NBPF9: variants seen among roughly 807,000 people sequenced by gnomAD.
The protein encoded by NBPF9 is NBPF member 9.
A neutral mutation model predicts 97.8 loss-of-function variants in NBPF9; 91 were observed. The observed-to-expected ratio is 0.93, with a 90% CI of 0.79 to 1.11. NBPF9 has a LOEUF of 1.11. NBPF9 is among the 50% of genes least tolerant of loss of function. The probability of loss-of-function intolerance (pLI) is 0.00; values close to 1 mark genes in which losing one functional copy is unlikely to be tolerated. For synonymous variants in NBPF9, 334 were observed against 359.5 expected, an observed-to-expected ratio of 0.93 and a Z score of 0.80; for missense variants, 992 against 939.5, an observed-to-expected ratio of 1.06 and a Z score of -0.73.
In NBPF9 at chr1:149,062,072, C is replaced by A. The variant is rs781911295; in HGVS notation, c.2251+21G>T. 1.6e-5 allele frequency: 16 copies of A among 984,194 alleles called. 2 individuals carry two copies. The African/African-American group carries it at 1.7e-4, about 10-fold the overall frequency. The allele number at this position is 984,194 out of a possible 1,614,324, so 61.0% of individuals were successfully genotyped here. ...TGGAAGACCAGGTGGAGGCTTATCA[C>A]CTTCATAGTAAGGTACTCACTGTCC... On this transcript the variant is annotated intron_variant, in intron 22 of 29. Coordinates refer to ENST00000584027, the Ensembl canonical transcript of NBPF9.
At position 149,092,381 on chromosome 1, in the gene NBPF9, G is replaced by C. The variant is rs1294398437; in HGVS notation, c.-336-1487C>G. ...GCACGTGGCCTCTGGAGTCAGAGTA[G>C]ACTGTCTCCCCGCTGACAGCCAGCA... On this transcript the variant is annotated intron_variant, in intron 4 of 29. Coordinates refer to ENST00000584027, the Ensembl canonical transcript of NBPF9. Among the ~76,000 whole-genome samples the C allele has an allele frequency of 3.8e-5, 5 of 131,366 alleles. No homozygotes were observed. The Admixed American group carries it at 4.0e-4, about 10-fold the overall frequency. 86.2% of individuals were successfully genotyped at this position (131,366 alleles called of 152,430 possible). A position where few individuals can be genotyped will look rare whatever the true frequency, so the allele number is the denominator to read the frequency against.
At chr1:149,054,283 G>A (rs1372100631) in exon 30 of NBPF9, 1 of 110,948 alleles carries the variant, frequency 9.0e-6, no homozygotes, top group Non-Finnish European at 1.9e-5. Flanking sequence ...AAAATTTCCA[G>A]CGTAGAGATA....
exon 22 of NBPF9, chr1:149,062,122 T>G: frequency 8.6e-7 from 1 of 1,159,086 alleles, no homozygotes; most frequent in South Asian, 1.2e-5. Flanking sequence ...GCCAAGGTAC[T>G]GTTCCTCCAA....
intron 21 of NBPF9, 77 bp downstream of exon 21, chr1:149,062,785 C>A (rs1302767560): frequency 2.6e-6 from 2 of 770,238 alleles, no homozygotes; most frequent in East Asian, 4.9e-5. Context: ...TGAAATTGAA[C>A]ACACTCTTGT....
chr1:149,055,192 G>A (rs1225716222), exon 30 of NBPF9: 1 of 205,786 alleles, frequency 4.9e-6, no homozygotes, highest in Non-Finnish European at 9.8e-6. Context: ...CTCAGCCAAG[G>A]ATCCCTCCTG....
exon 16 of NBPF9, chr1:149,071,095 A>G: frequency 6.2e-7 from 1 of 1,609,276 alleles, no homozygotes; most frequent in Non-Finnish European, 8.5e-7. Flanking sequence ...ACATTCCTCC[A>G]GTGAGTCCTC....
chr1:149,069,501 A>G (rs1464617960), intron 17 of NBPF9, 93 bp downstream of exon 17: 2 of 647,326 alleles, frequency 3.1e-6, no homozygotes, highest in Non-Finnish European at 5.6e-6. Context: ...TGAATGGAAG[A>G]AATAGTTCTA....
chr1:149,058,756 G>C (rs1376388886), intron 26 of NBPF9, 169 bp downstream of exon 26: 2 of 600,130 alleles, frequency 3.3e-6, no homozygotes, highest in African/African-American at 4.2e-5. Context: ...CCCATTTCAT[G>C]TCTAGGCTTC....
At chr1:149,075,016 T>G (rs1487038153) in intron 12 of NBPF9, among the ~76,000 whole-genome samples, 3 of 151,248 alleles carry the variant, frequency 2.0e-5, no homozygotes, top group African/African-American at 7.3e-5. Flanking sequence ...TTCTCCATGT[T>G]GCCCAGGCTG....
At chr1:149,072,328 G>C (rs2079479634) in intron 14 of NBPF9, among the ~76,000 whole-genome samples, 1 of 152,166 alleles carries the variant, frequency 6.6e-6, no homozygotes, top group Non-Finnish European at 1.5e-5. Context: ...ACAAACTCAG[G>C]AAGGACAAGT....
intron 18 of NBPF9, chr1:149,064,739 A>T: frequency 3.2e-6 from 2 of 619,058 alleles, no homozygotes; most frequent in Non-Finnish European, 5.7e-6. Flanking sequence ...TTATGTACAC[A>T]AATGCGCGAT....
chr1:149,082,354 C>G lies in NBPF9; in HGVS notation c.-118G>C. 1.3e-6 allele frequency: 2 copies of G among 1,522,596 alleles called. No homozygotes were observed. The highest frequency in any genetic ancestry group is 1.8e-6 in the Non-Finnish European group (2 of 1,139,538). The allele number at this position is 1,522,596 out of a possible 1,614,324, so 94.3% of individuals were successfully genotyped here. A position where few individuals can be genotyped will look rare whatever the true frequency, so the allele number is the denominator to read the frequency against. Reference sequence around the variant, plus strand: ...AAACAAGGTTTGAGGTGCCTCAACTCAGAGCTGAAAGCACTGCCAGTAGCT... The same window carrying G: ...AAACAAGGTTTGAGGTGCCTCAACTGAGAGCTGAAAGCACTGCCAGTAGCT... On this transcript the variant is annotated 5_prime_UTR_variant, in exon 6 of 30. It removes the in-frame stop codon of an upstream open reading frame in the 5' UTR. Transcript: ENST00000584027.
In NBPF9 at chr1:149,073,753, A is replaced by G; in HGVS notation, c.1091+15T>C. 1.3e-6 allele frequency: 2 copies of G among 1,579,232 alleles called. No homozygotes were observed. Among genetic ancestry groups the G allele is most frequent in the Admixed American group, 1.7e-5 (1 of 59,670 alleles). ...CACACCTGCCCCCCTGCCTGCCCCCATGGGGTCCCCTCACCTGAGCTCCTC... is the reference window on the plus strand; with the variant it reads ...CACACCTGCCCCCCTGCCTGCCCCCGTGGGGTCCCCTCACCTGAGCTCCTC... On this transcript the variant is annotated intron_variant, in intron 13 of 29. Coordinates refer to ENST00000584027, the Ensembl canonical transcript of NBPF9.
intron 5 of NBPF9, among the ~76,000 whole-genome samples, chr1:149,085,890 A>G (rs1442271661): frequency 3.3e-5 from 5 of 151,764 alleles, no homozygotes; most frequent in African/African-American, 1.2e-4. Context: ...CTATGCCCCA[A>G]AGTTTCTTGT....
chr1:149,072,836 C>T, exon 14 of NBPF9: 7 of 1,602,114 alleles, frequency 4.4e-6, no homozygotes, highest in South Asian at 1.1e-5. Context: ...CCTGGAGATG[C>T]TCATTCAATG....
chr1:149,090,645 C>G, intron 5 of NBPF9, 108 bp downstream of exon 5: 1 of 600,238 alleles, frequency 1.7e-6, no homozygotes, highest in East Asian at 2.9e-5. Context: ...GAAGAAAACT[C>G]AGCTAAGCAT....
intron 12 of NBPF9, among the ~76,000 whole-genome samples, chr1:149,075,318 G>C (rs1455782589): frequency 6.6e-6 from 1 of 152,172 alleles, no homozygotes; most frequent in African/African-American, 2.4e-5. Flanking sequence ...CAACAGACTA[G>C]ATGTTATTTG....
intron 21 of NBPF9, 97 bp downstream of exon 21, chr1:149,062,765 G>A (rs587769029): frequency 3.5e-5 from 27 of 774,322 alleles, no homozygotes; most frequent in Admixed American, 6.8e-5. Context: ...TTCAACCTCC[G>A]TTGAAAACAT....
At chr1:149,077,363 G>T in exon 11 of NBPF9, 3 of 1,609,886 alleles carry the variant, frequency 1.9e-6, no homozygotes, top group South Asian at 1.1e-5. Flanking sequence ...ACAAGTGATG[G>T]CACATTCCTC....
Sources: allele counts gnomAD v4.1 joint callset (sites outside exome capture counted in the v4.1 genomes callset), GRCh38; gene constraint gnomAD v4.1.1; transcripts MANE v1.5; gene names NCBI Gene and HGNC (gene_info 2026-07-23, HGNC 2026-07-21).